PDE8B: variants seen among roughly 807,000 people sequenced by gnomAD.
The protein encoded by PDE8B is phosphodiesterase 8B, also known as high affinity cAMP-specific and IBMX-insensitive 3',5'-cyclic phosphodiesterase 8B.
Under a neutral mutation model 101.3 loss-of-function variants are expected in PDE8B, and 26 were observed. That is an observed-to-expected ratio of 0.26 (90% CI 0.19 to 0.36). The LOEUF (loss-of-function observed/expected upper bound fraction) is 0.36, where lower values mean the gene tolerates loss of function less well. PDE8B is among the 10% of genes least tolerant of loss of function. The pLI, the probability that PDE8B is intolerant of heterozygous loss-of-function variation, is 1.00. For missense variants in PDE8B, 810 were observed against 1,163.1 expected (o/e 0.70, Z 4.42); for synonymous variants, 424 against 429.3 (o/e 0.99, Z 0.15).
At chr5:77,127,048 A>G in the PDE8B span, among the ~76,000 whole-genome samples, 3 of 152,302 alleles carry the variant, frequency 2.0e-5, no homozygotes, top group Admixed American at 2.0e-4. Context: ...CTCCCAGGTC[A>G]ATAAATTCAC....
chr5:77,102,754 CAG>C, the PDE8B span, among the ~76,000 whole-genome samples: 1 of 152,148 alleles, frequency 6.6e-6, no homozygotes, highest in African/African-American at 2.4e-5. Context: ...GTTTTTTGGT[CAG>C]ACTTTCCCCA....
chr5:77,402,575 T>G (rs1382315153), intron 11 of PDE8B, among the ~76,000 whole-genome samples: 3 of 152,188 alleles, frequency 2.0e-5, no homozygotes, highest in Admixed American at 2.0e-4. Context: ...AAACAGTAAG[T>G]AGTAGAACAA....
At chr5:77,118,327 C>G in the PDE8B span, 1 of 398,608 alleles carries the variant, frequency 2.5e-6, no homozygotes, top group Non-Finnish European at 4.4e-6. Flanking sequence ...CAGGAAAACA[C>G]AGATCCTGGT....
chr5:77,424,432 G>T (rs1454758560), intron 20 of PDE8B, among the ~76,000 whole-genome samples: 1 of 152,134 alleles, frequency 6.6e-6, no homozygotes, highest in Non-Finnish European at 1.5e-5. Flanking sequence ...TACACCACCA[G>T]GAAATGCGGA....
intron 1 of PDE8B, chr5:77,291,940 G>A (rs754297247): frequency 1.1e-4 from 80 of 720,796 alleles, no homozygotes; most frequent in Non-Finnish European, 1.8e-4. Context: ...TGACCCCAAA[G>A]CCCTGATTAA....
At chr5:77,372,345 A>T (rs1225887818) in intron 10 of PDE8B, among the ~76,000 whole-genome samples, 2 of 152,206 alleles carry the variant, frequency 1.3e-5, no homozygotes, top group African/African-American at 4.8e-5. Context: ...TGTCTTTCAC[A>T]TCTATTTAGG....
chr5:77,411,444 C>T (rs1372228779), intron 14 of PDE8B, among the ~76,000 whole-genome samples: 1 of 152,164 alleles, frequency 6.6e-6, no homozygotes, highest in East Asian at 1.9e-4. Flanking sequence ...AGTCCTGACA[C>T]AGTCACATCC....
At chr5:77,308,466 A>G (rs1771770182) in intron 1 of PDE8B, among the ~76,000 whole-genome samples, 1 of 152,148 alleles carries the variant, frequency 6.6e-6, no homozygotes, top group African/African-American at 2.4e-5. Flanking sequence ...AATGTCCCTT[A>G]GCAGCAACTT....
chr5:77,198,530 T>C, the PDE8B span, among the ~76,000 whole-genome samples: 1 of 152,224 alleles, frequency 6.6e-6, no homozygotes, highest in African/African-American at 2.4e-5. Flanking sequence ...CACTGTGCTC[T>C]GCCTTGAACT....
chr5:77,409,071 C>A lies in PDE8B; in HGVS notation c.1530+14C>A, dbSNP rs780568456. 1 of 1,612,256 alleles carries A rather than the reference C, an allele frequency of 6.2e-7. No homozygotes were observed. Among genetic ancestry groups the A allele is most frequent in the Non-Finnish European group, 8.5e-7 (1 of 1,178,470 alleles). The stretch of plus-strand genomic sequence containing the variant: ...GGCCTGATGACTGTGAGTGATGAGG[C>A]AAAACCTGAAAAGCAAGAGAGGTAT... On this transcript the variant is annotated intron_variant, in intron 14 of 21. Transcript: ENST00000264917.
At chr5:77,251,697 C>G (rs1444491963) in intron 1 of PDE8B, among the ~76,000 whole-genome samples, 1 of 152,202 alleles carries the variant, frequency 6.6e-6, no homozygotes, top group East Asian at 1.9e-4. Context: ...ATCGCTCTCT[C>G]TCTTCCTTTT....
At chr5:77,290,711 T>C (rs907301646) in intron 1 of PDE8B, 1 of 1,498,586 alleles carries the variant, frequency 6.7e-7, no homozygotes, top group East Asian at 2.3e-5. Context: ...GACCTGGCCA[T>C]GCACTGATTG....
chr5:77,298,004 G>A (rs570400997), intron 1 of PDE8B, among the ~76,000 whole-genome samples: 5 of 152,290 alleles, frequency 3.3e-5, no homozygotes, highest in African/African-American at 1.2e-4. Flanking sequence ...CTTTTTGAAG[G>A]CGTGAACACT....
chr5:77,246,436 G>A (rs951462028), intron 1 of PDE8B, among the ~76,000 whole-genome samples: 2 of 152,186 alleles, frequency 1.3e-5, no homozygotes, highest in African/African-American at 4.8e-5. Flanking sequence ...ACTCCCGCCT[G>A]AGGTACCGGT....
At chr5:77,355,179 C>T (rs1257007628) in intron 10 of PDE8B, among the ~76,000 whole-genome samples, 1 of 152,160 alleles carries the variant, frequency 6.6e-6, no homozygotes, top group Non-Finnish European at 1.5e-5. Flanking sequence ...GGGTGGGGGG[C>T]CACCTGCTTT....
the PDE8B span, among the ~76,000 whole-genome samples, chr5:77,135,967 G>A: frequency 6.6e-6 from 1 of 152,096 alleles, no homozygotes; most frequent in Non-Finnish European, 1.5e-5. Flanking sequence ...GTTGGATGTT[G>A]ACCCCCAGGA....
Position 77,408,053 on chromosome 5 carries a change from C to T in PDE8B, c.1365+596C>T, listed in dbSNP as rs528091300. On this transcript the variant is annotated intron_variant, in intron 13 of 21. Transcript: ENST00000264917. ...GTTTGTTGAAAAGAACACCCAGCTTCTGTGCAGAGAATCGATTGGAGGTGG... is the reference window on the plus strand; with the variant it reads ...GTTTGTTGAAAAGAACACCCAGCTTTTGTGCAGAGAATCGATTGGAGGTGG... Among the ~76,000 whole-genome samples the T allele has an allele frequency of 2.6e-5, 4 of 152,280 alleles. No individual in the cohort carries two copies. The South Asian group carries it at 8.3e-4, about 32-fold the overall frequency.
upstream of PDE8B, among the ~76,000 whole-genome samples, chr5:77,208,859 A>T (rs1747728336): frequency 6.6e-6 from 1 of 152,130 alleles, no homozygotes; most frequent in South Asian, 2.1e-4. Context: ...CACCAGAACA[A>T]CTCAGAACCC....
intron 1 of PDE8B, among the ~76,000 whole-genome samples, chr5:77,287,444 AT>A (rs1166980067): frequency 2.1e-5 from 3 of 145,836 alleles, no homozygotes; most frequent in Admixed American, 6.8e-5. Context: ...TTTTCTTCAT[AT>A]TTTTTTTTCT....
Sources: allele counts gnomAD v4.1 joint callset (sites outside exome capture counted in the v4.1 genomes callset), GRCh38; gene constraint gnomAD v4.1.1; transcripts MANE v1.5; gene names NCBI Gene and HGNC (gene_info 2026-07-23, HGNC 2026-07-21).